The following PRKAA2 variants were observed in gnomAD, a reference collection of about 807,000 sequenced individuals.
PRKAA2 encodes the protein 5'-AMP-activated protein kinase catalytic subunit alpha-2.
PRKAA2 carries 40 observed loss-of-function variants against 56.3 expected under a neutral mutation model. That is an observed-to-expected ratio of 0.71 (90% CI 0.55 to 0.92). The LOEUF is 0.92. Among genes scored for constraint, PRKAA2 ranks in the 40% least tolerant of loss-of-function variants. The pLI is 0.00. For synonymous variants in PRKAA2, 214 were observed against 234.2 expected (o/e 0.91, Z 0.79); for missense variants, 542 against 686.9 (o/e 0.79, Z 2.36).
At chr1:56,702,768 C>T (rs1303273808) in intron 6 of PRKAA2, among the ~76,000 whole-genome samples, 1 of 152,214 alleles carries the variant, frequency 6.6e-6, no homozygotes. Flanking sequence ...TCCCTGATCA[C>T]CTGCCTCTCA....
At chr1:56,663,584 G>T (rs1644011770) in intron 1 of PRKAA2, among the ~76,000 whole-genome samples, 1 of 152,174 alleles carries the variant, frequency 6.6e-6, no homozygotes, top group African/African-American at 2.4e-5. Context: ...CTCTGCTCTT[G>T]TCTGCAGCTG....
chr1:56,689,618 T>G (rs1644213636), intron 2 of PRKAA2, among the ~76,000 whole-genome samples: 1 of 151,220 alleles, frequency 6.6e-6, no homozygotes, highest in South Asian at 2.1e-4. Context: ...ACTCGGGAGG[T>G]TGAGGCAGGA....
intron 2 of PRKAA2, among the ~76,000 whole-genome samples, chr1:56,682,456 C>T (rs1003476949): frequency 6.6e-6 from 1 of 152,034 alleles, no homozygotes; most frequent in South Asian, 2.1e-4. Flanking sequence ...GGAAGAGCAA[C>T]ATCAAAGAGG....
chr1:56,701,704 A>G (rs956017771), intron 6 of PRKAA2, among the ~76,000 whole-genome samples: 2 of 151,952 alleles, frequency 1.3e-5, no homozygotes, highest in Admixed American at 6.6e-5. Context: ...CCTGGCTAAC[A>G]CGGTGAAACC....
intron 2 of PRKAA2, among the ~76,000 whole-genome samples, chr1:56,683,031 T>C (rs999775195): frequency 4.9e-4 from 74 of 150,460 alleles, no homozygotes; most frequent in Middle Eastern, 3.4e-3. Flanking sequence ...GGAGAACTAA[T>C]GTATTACTGA....
At chr1:56,647,220 A>C (rs894302242) in intron 1 of PRKAA2, among the ~76,000 whole-genome samples, 3 of 152,238 alleles carry the variant, frequency 2.0e-5, no homozygotes, top group Non-Finnish European at 4.4e-5. Context: ...GATTGGATTA[A>C]TGCCTGTAAT....
intron 6 of PRKAA2, among the ~76,000 whole-genome samples, chr1:56,702,083 T>G (rs1644297939): frequency 1.3e-5 from 2 of 151,780 alleles, no homozygotes; most frequent in Admixed American, 1.3e-4. Flanking sequence ...ATTTTTATCT[T>G]TTCTTTTTTT....
chr1:56,698,951 A>G (rs1274414114), intron 6 of PRKAA2, among the ~76,000 whole-genome samples: 1 of 152,160 alleles, frequency 6.6e-6, no homozygotes, highest in East Asian at 1.9e-4. Flanking sequence ...AATAGTATTA[A>G]TGTTATCATA....
intron 6 of PRKAA2, among the ~76,000 whole-genome samples, chr1:56,699,650 C>G (rs1208930120): frequency 6.6e-6 from 1 of 152,056 alleles, no homozygotes; most frequent in Non-Finnish European, 1.5e-5. Context: ...TTGTATAATT[C>G]ACTGGCTTTT....
At chr1:56,674,712 T>TTGTTTCTAAATTAGTACTCAATTTA (rs755243476) in intron 2 of PRKAA2, among the ~76,000 whole-genome samples, 190 bp downstream of exon 2, 4 of 152,056 alleles carry the variant, frequency 2.6e-5, no homozygotes, top group African/African-American at 9.6e-5. Flanking sequence ...TGAACAGACA[T>TTGTTTCTAAATTAGTACTCAATTTA]TGTTTCTAAA....
chr1:56,694,760 A>G (rs893048190), intron 5 of PRKAA2, among the ~76,000 whole-genome samples: 4 of 151,986 alleles, frequency 2.6e-5, no homozygotes, highest in African/African-American at 7.3e-5. Context: ...TCCTAATACT[A>G]TCTCCTTGGG....
chr1:56,703,914 A>G lies in PRKAA2; in HGVS notation c.789-57A>G, dbSNP rs1557563693. Reference sequence around the variant, plus strand: ...TTCTATTATATTGCCCTATGTCTAAATTATTTGGACTTGCCAAACCATGTC... The same window carrying G: ...TTCTATTATATTGCCCTATGTCTAAGTTATTTGGACTTGCCAAACCATGTC... On this transcript the variant is annotated intron_variant, in intron 6 of 8. Transcript: ENST00000371244. 11 of 1,497,714 alleles carry G rather than the reference A, an allele frequency of 7.3e-6. No homozygotes were observed. The East Asian group carries it at 2.5e-4, about 34-fold the overall frequency. The allele number at this position is 1,497,714 out of a possible 1,614,324, so 92.8% of individuals were successfully genotyped here. A position where few individuals can be genotyped will look rare whatever the true frequency, so the allele number is the denominator to read the frequency against.
At chr1:56,648,058 CA>C (rs1242174445) in intron 1 of PRKAA2, among the ~76,000 whole-genome samples, 1 of 150,850 alleles carries the variant, frequency 6.6e-6, no homozygotes, top group Non-Finnish European at 1.5e-5. Context: ...GAAAAGAAAA[CA>C]ACTTATTTAG....
chr1:56,676,394 G>A (rs935127188), intron 2 of PRKAA2, among the ~76,000 whole-genome samples: 7 of 152,134 alleles, frequency 4.6e-5, no homozygotes, highest in East Asian at 3.9e-4. Context: ...TCAACTGGCC[G>A]TTTCTGCGTT....
rs963447413 is a variant in PRKAA2 at position 56,709,427 on chromosome 1, C to A, written c.*1714C>A. On this transcript the variant is annotated 3_prime_UTR_variant, in exon 9 of 9. Coordinates refer to ENST00000371244, the MANE Select transcript of PRKAA2 (RefSeq NM_006252.4). Reference sequence around the variant, plus strand: ...TAGTTCACCAATTTGGGAAGGAGGGCGGGTTGCAATTTGAGATAGTTTAAG... The same window carrying A: ...TAGTTCACCAATTTGGGAAGGAGGGAGGGTTGCAATTTGAGATAGTTTAAG... The A allele has an allele frequency of 6.6e-6, 1 of 152,060 alleles. No homozygotes were observed. Among genetic ancestry groups the A allele is most frequent in the Non-Finnish European group, 1.5e-5 (1 of 68,006 alleles). The allele number at this position is 152,060 out of a possible 1,614,324, so 9.4% of individuals were successfully genotyped here.
At chr1:56,681,253 TTAGCCCTTTGTCAGATGGGTAGA>T (rs1256679186) in intron 2 of PRKAA2, among the ~76,000 whole-genome samples, 1 of 152,240 alleles carries the variant, frequency 6.6e-6, no homozygotes, top group Non-Finnish European at 1.5e-5. Context: ...ATTCTGGATA[TTAGCCCTTTGTCAGATGGGTAGA>T]TTGCAAAAAT....
intron 6 of PRKAA2, among the ~76,000 whole-genome samples, chr1:56,702,482 A>G (rs1644303735): frequency 1.3e-5 from 2 of 152,184 alleles, no homozygotes; most frequent in African/African-American, 4.8e-5. Context: ...AAATCCTTCA[A>G]TGATTTTCAT....
Position 56,712,818 on chromosome 1 carries a change from T to A in PRKAA2, c.*5105T>A, listed in dbSNP as rs1180964363. On this transcript the variant is annotated 3_prime_UTR_variant, in exon 9 of 9. Transcript: ENST00000371244. ...AATAAGCCAAGATCATGCCACTGCA[T>A]GCCAGCCTGGGTGACAGCACAAGAC... The A allele has an allele frequency of 6.6e-6, 1 of 151,816 alleles. No homozygotes were observed. The highest frequency in any genetic ancestry group is 1.5e-5 in the Non-Finnish European group (1 of 67,972). 9.4% of individuals were successfully genotyped at this position (151,816 alleles called of 1,614,324 possible).
At chr1:56,667,514 C>T (rs1644044723) in intron 1 of PRKAA2, among the ~76,000 whole-genome samples, 2 of 152,036 alleles carry the variant, frequency 1.3e-5, no homozygotes, top group Admixed American at 6.6e-5. Flanking sequence ...TTAAATCTTT[C>T]GTTGGGTAAC....
Sources: gnomAD v4.1 joint callset for allele counts (sites outside exome capture counted in the v4.1 genomes callset) on GRCh38, gnomAD v4.1.1 for gene constraint, MANE v1.5 for transcripts, NCBI Gene and HGNC (gene_info 2026-07-23, HGNC 2026-07-21) for gene names.